ANXA7: variants seen among roughly 807,000 people sequenced by gnomAD.
ANXA7 encodes annexin A7.
ANXA7 carries 55 observed loss-of-function variants against 64.9 expected under a neutral mutation model. That is an observed-to-expected ratio of 0.85 (90% confidence interval 0.68 to 1.06). The LOEUF (loss-of-function observed/expected upper bound fraction) is 1.06, where lower values mean the gene tolerates loss of function less well. ANXA7 is among the 50% of genes least tolerant of loss of function. ANXA7 has a pLI of 0.00. For synonymous variants in ANXA7, 200 were observed against 192.4 expected (o/e 1.04, Z -0.33); for missense variants, 548 against 582.1 (o/e 0.94, Z 0.60).
chr10:73,376,093 T>C lies in ANXA7; in HGVS notation c.*2A>G. ...TTTTCATTAAAAAAAAAAAAATCCC[T>C]CCTACTGGCCCACAATAGCCAGAAG... On this transcript the variant is annotated 3_prime_UTR_variant, in exon 13 of 13. Coordinates refer to ENST00000372921, the MANE Select transcript of ANXA7 (RefSeq NM_001156.5). The C allele has an allele frequency of 1.3e-6, 2 of 1,552,778 alleles. No homozygotes were observed. Among genetic ancestry groups the C allele is most frequent in the Non-Finnish European group, 1.7e-6 (2 of 1,156,418 alleles).
At chr10:73,413,977 C>G (rs901427010) in intron 1 of ANXA7, 35 bp downstream of exon 1, 5 of 152,598 alleles carry the variant, frequency 3.3e-5, no homozygotes, top group African/African-American at 1.2e-4. Context: ...CCGAGGCAGA[C>G]GAGGTGGGAA....
chr10:73,387,605 T>G, intron 7 of ANXA7, 84 bp downstream of exon 7: 1 of 1,042,394 alleles, frequency 9.6e-7, no homozygotes, highest in Non-Finnish European at 1.5e-6. Flanking sequence ...CCACAGGTAC[T>G]AATCAAAATA....
At chr10:73,410,706 C>T (rs2055825131) in intron 1 of ANXA7, among the ~76,000 whole-genome samples, 1 of 149,138 alleles carries the variant, frequency 6.7e-6, no homozygotes, top group South Asian at 2.1e-4. Flanking sequence ...TGCTTGAATC[C>T]GGGAGGCGGA....
At chr10:73,394,117 T>C (rs1373628636) in intron 5 of ANXA7, among the ~76,000 whole-genome samples, 5 of 152,264 alleles carry the variant, frequency 3.3e-5, no homozygotes, top group Admixed American at 2.0e-4. Flanking sequence ...AAAATGCTCA[T>C]CATCACTGGC....
intron 2 of ANXA7, among the ~76,000 whole-genome samples, chr10:73,398,667 G>A (rs1488908684): frequency 6.7e-6 from 1 of 149,864 alleles, no homozygotes; most frequent in Non-Finnish European, 1.5e-5. Flanking sequence ...AAACCTCAAG[G>A]TTTTAAGAAA....
intron 5 of ANXA7, chr10:73,396,257 C>T (rs1370996446): frequency 1.5e-6 from 1 of 648,560 alleles, no homozygotes; most frequent in East Asian, 2.7e-5. Flanking sequence ...AGAACTAAAA[C>T]CAAGACCCCA....
At position 73,400,764 on chromosome 10, in the gene ANXA7, CTGTTT is replaced by C. The variant is rs779573070; in HGVS notation, c.54+34_54+38del. On this transcript the variant is annotated intron_variant, in intron 2 of 12. Transcript: ENST00000372921. ...GACATGGGCCAGTCCCAAACAACAC[CTGTTT>C]TAAGGATGTGAGGTATTAAGTGGCA... The C allele has an allele frequency of 6.4e-4, 977 of 1,529,548 alleles. 5 individuals are homozygous for C. The highest frequency in any genetic ancestry group is 1.6e-4 in the Non-Finnish European group (182 of 1,124,714). 94.7% of individuals were successfully genotyped at this position (1,529,548 alleles called of 1,614,324 possible). A position where few individuals can be genotyped will look rare whatever the true frequency, so the allele number is the denominator to read the frequency against.
In ANXA7 at chr10:73,376,182, C is replaced by T; in HGVS notation, c.1314G>A (p.Gln438=). 1 of 1,600,624 alleles carries T rather than the reference C, an allele frequency of 6.2e-7. No homozygotes were observed. Among genetic ancestry groups the T allele is most frequent in the South Asian group, 1.1e-5 (1 of 87,150 alleles). The change falls in exon 13 of 13, where the codon CAG becomes CAA. Residue 438 remains glutamine, a synonymous_variant. Coordinates refer to ENST00000372921, the MANE Select transcript of ANXA7 (RefSeq NM_001156.5). ...TTGTGCCCAGAGTCTTCTGATACAT[C>T]TGAGCGAACATCTGTTTTATTTGTA... ...DLVQIKQMFA[Q]MYQKTLGTMI...
chr10:73,396,090 G>A lies in ANXA7; in HGVS notation c.435+429C>T, dbSNP rs367821209. ...AACAGGAGAGAAAACAGGATAGGAA[G>A]AAAAAGAATCTGTATTGATCTGAAA... On this transcript the variant is annotated intron_variant, in intron 5 of 12. Transcript: ENST00000372921. 2.2e-5 allele frequency: 35 copies of A among 1,598,542 alleles called. No homozygotes were observed. The African/African-American group carries it at 4.3e-4, about 20-fold the overall frequency.
intron 9 of ANXA7, among the ~76,000 whole-genome samples, chr10:73,382,213 C>A (rs775133106): frequency 2.6e-5 from 4 of 152,200 alleles, no homozygotes; most frequent in Admixed American, 1.3e-4. Context: ...TCCTTTAGAT[C>A]CCTCCAGATG....
At chr10:73,397,038 A>C (rs2055586876) in intron 4 of ANXA7, 126 bp downstream of exon 4, 1 of 487,398 alleles carries the variant, frequency 2.1e-6, no homozygotes, top group Admixed American at 3.8e-5. Context: ...CATTATGTTT[A>C]AAATTATTTA....
intron 7 of ANXA7, among the ~76,000 whole-genome samples, chr10:73,387,366 T>C (rs533528242): frequency 6.6e-6 from 1 of 152,110 alleles, no homozygotes; most frequent in Non-Finnish European, 1.5e-5. Flanking sequence ...AATACAAAAA[T>C]TAGCCAGGCA....
At chr10:73,400,942 C>CT in intron 1 of ANXA7, 85 bp from the exon 2 acceptor site, 3 of 1,195,624 alleles carry the variant, frequency 2.5e-6, no homozygotes, top group Non-Finnish European at 3.5e-6. Flanking sequence ...GAGTCTCACT[C>CT]TGTCACCAGG....
intron 1 of ANXA7, among the ~76,000 whole-genome samples, chr10:73,404,502 ACGATGTCAGGGATTATGC>A (rs991565228): frequency 1.4e-4 from 21 of 152,186 alleles, no homozygotes; most frequent in Admixed American, 7.9e-4. Context: ...ACAAAACGAT[ACGATGTCAGGGATTATGC>A]CAAAATAATA....
At chr10:73,404,918 C>G (rs111301467) in intron 1 of ANXA7, among the ~76,000 whole-genome samples, 7,087 of 152,118 alleles carry the variant, frequency 0.047, 504 homozygotes, top group African/African-American at 0.15. Context: ...CAGAGACCAG[C>G]CTGACCAACA....
At chr10:73,393,264 G>C (rs543901273) in intron 5 of ANXA7, among the ~76,000 whole-genome samples, 4 of 152,126 alleles carry the variant, frequency 2.6e-5, no homozygotes, top group Non-Finnish European at 4.4e-5. Flanking sequence ...AATCAATATC[G>C]TGAAAATGGC....
At chr10:73,380,230 G>A in intron 9 of ANXA7, 29 bp from the exon 10 acceptor site, 1 of 1,585,084 alleles carries the variant, frequency 6.3e-7, no homozygotes, top group Non-Finnish European at 8.5e-7. Context: ...GGAATTGGAA[G>A]AAATAAATAA....
chr10:73,395,074 T>C (rs1409301021), intron 5 of ANXA7, among the ~76,000 whole-genome samples: 2 of 152,198 alleles, frequency 1.3e-5, no homozygotes, highest in Non-Finnish European at 2.9e-5. Flanking sequence ...GAAAGCAACT[T>C]ACTACATGCT....
chr10:73,390,188 T>C (rs887436681), intron 5 of ANXA7, among the ~76,000 whole-genome samples: 2 of 152,212 alleles, frequency 1.3e-5, no homozygotes, highest in African/African-American at 4.8e-5. Context: ...AAATAAAAGA[T>C]GATTCAATGC....
Sources: allele counts gnomAD v4.1 joint callset (sites outside exome capture counted in the v4.1 genomes callset), GRCh38; gene constraint gnomAD v4.1.1; transcripts MANE v1.5; gene names NCBI Gene and HGNC (gene_info 2026-07-23, HGNC 2026-07-21).